RGS6: variants seen among roughly 807,000 people sequenced by gnomAD.
The protein encoded by RGS6 is regulator of G-protein signaling 6.
Under a neutral mutation model 78.5 loss-of-function variants are expected in RGS6, and 30 were observed. That is an observed-to-expected ratio of 0.38 (90% confidence interval 0.29 to 0.52). The LOEUF is 0.52. Ranked by LOEUF, RGS6 falls within the 20% of genes least tolerant of loss-of-function variation. RGS6 has a pLI of 0.85. For synonymous variants in RGS6, 206 were observed against 206.0 expected, an observed-to-expected ratio of 1.00 and a Z score of 0.00; for missense variants, 495 against 609.7, an observed-to-expected ratio of 0.81 and a Z score of 1.98.
At chr14:72,426,644 A>C (rs1159795830) in intron 3 of RGS6, among the ~76,000 whole-genome samples, 1 of 152,228 alleles carries the variant, frequency 6.6e-6, no homozygotes, top group African/African-American at 2.4e-5. Context: ...TGTCTACTTC[A>C]GTTTGGCATA....
chr14:72,212,105 C>G (rs112892129), intron 2 of RGS6, among the ~76,000 whole-genome samples: 2 of 152,084 alleles, frequency 1.3e-5, no homozygotes, highest in South Asian at 4.1e-4. Context: ...TGTTGGTGTG[C>G]CTGAGAAAGT....
At chr14:72,439,779 G>A (rs1387003825) in intron 3 of RGS6, among the ~76,000 whole-genome samples, 1 of 152,170 alleles carries the variant, frequency 6.6e-6, no homozygotes, top group Non-Finnish European at 1.5e-5. Flanking sequence ...GGGAGGAGAG[G>A]GAGACCAGGT....
At chr14:72,491,171 G>A (rs897262656) in intron 12 of RGS6, among the ~76,000 whole-genome samples, 1 of 152,104 alleles carries the variant, frequency 6.6e-6, no homozygotes, top group Non-Finnish European at 1.5e-5. Context: ...CACACAAGCT[G>A]GCAATGCTTA....
At chr14:71,966,225 T>G (rs1476769950) in intron 2 of RGS6, among the ~76,000 whole-genome samples, 1 of 152,332 alleles carries the variant, frequency 6.6e-6, no homozygotes, top group Non-Finnish European at 1.5e-5. Context: ...GTATTACTTA[T>G]ATGGGCAATG....
chr14:72,395,487 C>G (rs944430458), intron 3 of RGS6, among the ~76,000 whole-genome samples: 2 of 152,042 alleles, frequency 1.3e-5, no homozygotes, highest in African/African-American at 4.8e-5. Flanking sequence ...TAAAGTAACA[C>G]GAGAGGAATT....
chr14:71,912,485 G>A, the RGS6 span, among the ~76,000 whole-genome samples: 18 of 152,310 alleles, frequency 1.2e-4, no homozygotes, highest in East Asian at 3.5e-3. Context: ...GGTGGGGAGA[G>A]TCAAGATGGA....
chr14:72,106,426 T>C (rs2095634175), intron 2 of RGS6, among the ~76,000 whole-genome samples: 1 of 152,204 alleles, frequency 6.6e-6, no homozygotes, highest in African/African-American at 2.4e-5. Flanking sequence ...TTCCCATGCA[T>C]GCTTGAGTTT....
intron 2 of RGS6, among the ~76,000 whole-genome samples, chr14:72,139,429 A>G (rs1373631349): frequency 6.6e-6 from 1 of 152,208 alleles, no homozygotes; most frequent in Non-Finnish European, 1.5e-5. Flanking sequence ...ACTGGGCACA[A>G]CCCACTTTCT....
At chr14:72,474,815 A>G (rs905653967) in intron 10 of RGS6, 116 bp downstream of exon 10, 74 of 857,614 alleles carry the variant, frequency 8.6e-5, no homozygotes, top group African/African-American at 8.7e-5. Flanking sequence ...ATTTGAAACC[A>G]TAACCATTTC....
intron 3 of RGS6, among the ~76,000 whole-genome samples, chr14:72,396,007 C>T (rs1472143965): frequency 6.6e-6 from 1 of 152,050 alleles, no homozygotes; most frequent in Non-Finnish European, 1.5e-5. Context: ...GAGCATGTGT[C>T]TTTATGGCAG....
rs761954710 is a variant in RGS6 at position 72,495,238 on chromosome 14, T to C, written c.941T>C (p.Val314Ala). The C allele has an allele frequency of 2.5e-5, 41 of 1,612,954 alleles. No homozygotes were observed. The highest frequency in any genetic ancestry group is 3.5e-5 in the Non-Finnish European group (41 of 1,179,034). Residue 314 changes from valine to alanine, a missense_variant, in exon 13 of 18, where the codon GTT (valine) becomes GCT (alanine). Val to Ala is a moderately conservative substitution (Grantham distance 64, BLOSUM62 0). Transcript: ENST00000553525. ...EPSNPWISDD[V>A]ALWDIEMSKE... ...TCCAACCCTTGGATCAGCGATGACG[T>C]TGCTTTGTGGGACATAGAGATGAGG...
intron 2 of RGS6, among the ~76,000 whole-genome samples, chr14:72,103,675 C>T (rs1345782382): frequency 6.6e-6 from 1 of 152,110 alleles, no homozygotes; most frequent in African/African-American, 2.4e-5. Flanking sequence ...GGTTTCTTAC[C>T]CAGATTGAAA....
chr14:72,541,135 C>A, intron 17 of RGS6: 1 of 1,370,082 alleles, frequency 7.3e-7, no homozygotes. Flanking sequence ...GGGAGCTGGC[C>A]ACATTCCCTT....
intron 2 of RGS6, among the ~76,000 whole-genome samples, chr14:72,180,284 C>T (rs2153697611): frequency 6.6e-6 from 1 of 152,290 alleles, no homozygotes; most frequent in South Asian, 2.1e-4. Context: ...ATCTTAGCCA[C>T]CAGAAATCTT....
intron 1 of RGS6, among the ~76,000 whole-genome samples, chr14:71,940,048 G>T (rs550604085): frequency 6.6e-6 from 1 of 152,106 alleles, no homozygotes; most frequent in Non-Finnish European, 1.5e-5. Context: ...ATAAGTCCAG[G>T]GACCCACTGG....
At chr14:72,625,242 A>C in the RGS6 span, among the ~76,000 whole-genome samples, 1 of 152,140 alleles carries the variant, frequency 6.6e-6, no homozygotes, top group South Asian at 2.1e-4. Flanking sequence ...TTCTGCTCTA[A>C]GGAAGAGCTT....
intron 2 of RGS6, among the ~76,000 whole-genome samples, chr14:72,011,452 G>A (rs1172634762): frequency 6.6e-6 from 1 of 152,044 alleles, no homozygotes; most frequent in Non-Finnish European, 1.5e-5. Flanking sequence ...CCTCCATTTT[G>A]CTCATGGCAT....
intron 3 of RGS6, among the ~76,000 whole-genome samples, chr14:72,449,426 G>A (rs2095440568): frequency 2.0e-5 from 3 of 152,176 alleles, no homozygotes; most frequent in Admixed American, 6.5e-5. Context: ...AATCAGGGGA[G>A]TGTTTTATAC....
At chr14:72,033,909 T>C (rs1427021032) in intron 2 of RGS6, among the ~76,000 whole-genome samples, 1 of 152,188 alleles carries the variant, frequency 6.6e-6, no homozygotes, top group East Asian at 1.9e-4. Flanking sequence ...ACTTGGTATT[T>C]TCTGTTTTGT....
Sources: allele counts gnomAD v4.1 joint callset (sites outside exome capture counted in the v4.1 genomes callset), GRCh38; gene constraint gnomAD v4.1.1; transcripts MANE v1.5; gene names NCBI Gene and HGNC (gene_info 2026-07-23, HGNC 2026-07-21).